Variants in NHSL1 observed in about 807,000 individuals in gnomAD.
The protein encoded by NHSL1 is NHS like 1.
Under a neutral mutation model 95.0 loss-of-function variants are expected in NHSL1, and 48 were observed. That is an observed-to-expected ratio of 0.51 (90% CI 0.40 to 0.64). The LOEUF (loss-of-function observed/expected upper bound fraction) is 0.64. Ranked by LOEUF, NHSL1 falls within the 30% of genes least tolerant of loss-of-function variation. The pLI is 0.00. For synonymous variants in NHSL1, 783 were observed against 833.9 expected (o/e 0.94, Z 1.05); for missense variants, 1,971 against 2,077.7 (o/e 0.95, Z 1.00).
At chr6:138,643,707 C>T (rs559550471) in intron 1 of NHSL1, among the ~76,000 whole-genome samples, 1 of 152,194 alleles carries the variant, frequency 6.6e-6, no homozygotes, top group Admixed American at 6.5e-5. Flanking sequence ...TTTACACTTT[C>T]AATAAAAGTT....
At chr6:138,663,111 G>A (rs1430086768) in intron 1 of NHSL1, among the ~76,000 whole-genome samples, 1 of 148,666 alleles carries the variant, frequency 6.7e-6, no homozygotes, top group African/African-American at 2.5e-5. Flanking sequence ...TCAGATATTT[G>A]TCAAATAATA....
intron 1 of NHSL1, among the ~76,000 whole-genome samples, chr6:138,566,703 CAATTT>C (rs1783631848): frequency 6.6e-6 from 1 of 150,850 alleles, no homozygotes; most frequent in East Asian, 1.9e-4. Flanking sequence ...CGAACTTCAA[CAATTT>C]AATTTGCAAA....
At chr6:138,511,623 T>C (rs1781234975) in intron 1 of NHSL1, among the ~76,000 whole-genome samples, 1 of 152,072 alleles carries the variant, frequency 6.6e-6, no homozygotes, top group Admixed American at 6.5e-5. Flanking sequence ...GACATCGATG[T>C]CTTCCTGGAA....
upstream of NHSL1, among the ~76,000 whole-genome samples, chr6:138,547,539 C>A (rs755205504): frequency 1.6e-4 from 24 of 152,202 alleles, no homozygotes; most frequent in Non-Finnish European, 1.3e-4. Flanking sequence ...CGCCGCCAGG[C>A]CCGGCTAATG....
intron 3 of NHSL1, chr6:138,464,134 G>C: frequency 1.8e-6 from 1 of 556,994 alleles, no homozygotes. Context: ...TCTGGTCCTC[G>C]ATCTCACTCC....
intron 1 of NHSL1, among the ~76,000 whole-genome samples, chr6:138,559,487 G>A (rs1017032396): frequency 4.6e-5 from 7 of 152,194 alleles, no homozygotes; most frequent in Admixed American, 3.3e-4. Flanking sequence ...GGATGAATGC[G>A]TAGGTGGCTC....
upstream of NHSL1, among the ~76,000 whole-genome samples, chr6:138,548,517 G>C (rs1372119769): frequency 6.6e-6 from 1 of 152,066 alleles, no homozygotes; most frequent in Middle Eastern, 3.2e-3. Flanking sequence ...CTATCATTAC[G>C]GTTGGTGTAT....
At chr6:138,458,588 G>T (rs1008409697) in intron 3 of NHSL1, among the ~76,000 whole-genome samples, 2 of 152,094 alleles carry the variant, frequency 1.3e-5, no homozygotes, top group Non-Finnish European at 2.9e-5. Context: ...CAGCACTTTG[G>T]GAGGCCAAGG....
At chr6:138,454,187 G>A (rs966646697) in intron 3 of NHSL1, among the ~76,000 whole-genome samples, 1 of 148,932 alleles carries the variant, frequency 6.7e-6, no homozygotes, top group African/African-American at 2.5e-5. Flanking sequence ...TGTTATATGT[G>A]TGCGTGTGTG....
At chr6:138,609,288 A>G (rs141478255) in intron 1 of NHSL1, among the ~76,000 whole-genome samples, 163 of 152,216 alleles carry the variant, frequency 1.1e-3, no homozygotes, top group African/African-American at 3.8e-3. Flanking sequence ...CTATGGAGGA[A>G]TGTGGATGTC....
At chr6:138,454,456 G>C (rs59208502) in intron 3 of NHSL1, among the ~76,000 whole-genome samples, 16,244 of 152,022 alleles carry the variant, frequency 0.11, 2,777 homozygotes, top group African/African-American at 0.36. Flanking sequence ...AGAATGGTTA[G>C]GAGGAAAGGA....
At chr6:138,486,251 A>G (rs1300562400) in intron 2 of NHSL1, among the ~76,000 whole-genome samples, 1 of 152,130 alleles carries the variant, frequency 6.6e-6, no homozygotes, top group Non-Finnish European at 1.5e-5. Context: ...CCACCTCAAA[A>G]TACTATCCCT....
chr6:138,593,931 A>T (rs1784267277), intron 1 of NHSL1, among the ~76,000 whole-genome samples: 1 of 152,220 alleles, frequency 6.6e-6, no homozygotes, highest in South Asian at 2.1e-4. Flanking sequence ...AGTTTTTCCC[A>T]AACTGGTGTT....
At chr6:138,450,720 C>T (rs1290398970) in intron 3 of NHSL1, among the ~76,000 whole-genome samples, 2 of 152,172 alleles carry the variant, frequency 1.3e-5, no homozygotes, top group Non-Finnish European at 2.9e-5. Context: ...ATTTCCCAGA[C>T]AAGCAGGGCA....
chr6:138,659,212 G>T (rs1252396541), intron 1 of NHSL1, among the ~76,000 whole-genome samples: 1 of 151,878 alleles, frequency 6.6e-6, no homozygotes, highest in Non-Finnish European at 1.5e-5. Flanking sequence ...ACCACATCCG[G>T]CTAATTTTTG....
chr6:138,487,697 A>T (rs1779808593), intron 2 of NHSL1, among the ~76,000 whole-genome samples: 1 of 152,226 alleles, frequency 6.6e-6, no homozygotes, highest in African/African-American at 2.4e-5. Flanking sequence ...AAGTACGAAG[A>T]TGGGACCTGA....
intron 5 of NHSL1, among the ~76,000 whole-genome samples, chr6:138,436,122 G>C (rs958918636): frequency 1.3e-5 from 2 of 152,042 alleles, no homozygotes; most frequent in Non-Finnish European, 1.5e-5. Context: ...AGCCTCTAAG[G>C]GTTCAAGCGA....
At chr6:138,574,455 C>T (rs1783931620), upstream of NHSL1, among the ~76,000 whole-genome samples, 1 of 152,242 alleles carries the variant, frequency 6.6e-6, no homozygotes, top group African/African-American at 2.4e-5. Flanking sequence ...TGTGCACACT[C>T]AAAGGAGCCA....
At chr6:138,558,190 T>G (rs116575067) in intron 1 of NHSL1, among the ~76,000 whole-genome samples, 2 of 152,032 alleles carry the variant, frequency 1.3e-5, no homozygotes, top group Non-Finnish European at 2.9e-5. Context: ...TGGTGCGGAC[T>G]CGGCTGACTG....
Sources: gnomAD v4.1 joint callset for allele counts (sites outside exome capture counted in the v4.1 genomes callset) on GRCh38, gnomAD v4.1.1 for gene constraint, MANE v1.5 for transcripts, NCBI Gene and HGNC (gene_info 2026-07-23, HGNC 2026-07-21) for gene names.